ASB1: variants seen among roughly 807,000 people sequenced by gnomAD.
ASB1 encodes the protein ankyrin repeat and SOCS box containing 1, also known as ankyrin repeat and SOCS box protein 1.
Under a neutral mutation model 27.7 loss-of-function variants are expected in ASB1, and 18 were observed. The observed-to-expected ratio is 0.65, with a 90% CI of 0.45 to 0.96. The LOEUF (loss-of-function observed/expected upper bound fraction) is 0.96. ASB1 is among the 50% of genes least tolerant of loss of function. The pLI is 0.00. For missense variants in ASB1, 397 were observed against 451.7 expected (o/e 0.88, Z 1.10); for synonymous variants, 189 against 187.6 (o/e 1.01, Z -0.06).
chr2:238,429,828 C>T (rs1412218361), intron 1 of ASB1, among the ~76,000 whole-genome samples: 1 of 151,542 alleles, frequency 6.6e-6, no homozygotes, highest in East Asian at 1.9e-4. Context: ...GTCCCAGCTA[C>T]TTGGGAGGCT....
intron 1 of ASB1, 44 bp downstream of exon 1, chr2:238,427,163 GC>G: frequency 8.2e-7 from 1 of 1,212,792 alleles, no homozygotes; most frequent in Non-Finnish European, 1.0e-6. Context: ...TGTGGGGATG[GC>G]GAAGGGCTGG....
chr2:238,444,731 A>G lies in ASB1; in HGVS notation c.880+4A>G, dbSNP rs1311132134. 2 of 1,598,614 alleles carry G rather than the reference A, an allele frequency of 1.3e-6. No individual in the cohort carries two copies. Among genetic ancestry groups the G allele is most frequent in the South Asian group, 1.1e-5 (1 of 89,400 alleles). ...CAGGTCTTTAAAGAGGCCAGAAGTA[A>G]GTGGCTTGAGTTCAGCTCTGACTTG... On this transcript the variant is annotated splice_donor_region_variant and intron_variant, in intron 4 of 4. Coordinates refer to ENST00000264607, the MANE Select transcript of ASB1 (RefSeq NM_001040445.3).
intron 1 of ASB1, among the ~76,000 whole-genome samples, chr2:238,433,083 A>G (rs1029593025): frequency 6.6e-6 from 1 of 151,996 alleles, no homozygotes; most frequent in African/African-American, 2.4e-5. Context: ...TTGCATCCGT[A>G]TTCTTCAGGT....
intron 3 of ASB1, among the ~76,000 whole-genome samples, chr2:238,439,898 A>G (rs1702047547): frequency 6.6e-6 from 1 of 152,090 alleles, no homozygotes; most frequent in Non-Finnish European, 1.5e-5. Context: ...CTTTACAACC[A>G]TGTATATGTC....
Position 238,427,090 on chromosome 2 carries a change from C to T in ASB1, c.20C>T (p.Pro7Leu), listed in dbSNP as rs1006318585. MAEGGS[P>L]DGRAGPGSAG... ...GCATCCATGGCGGAGGGCGGCAGCC[C>T]AGACGGGCGGGCAGGGCCGGGCTCC... The change falls in exon 1 of 5, where the codon CCA becomes CTA. Residue 7 changes from proline (P) to leucine (L), a missense_variant. Coordinates refer to ENST00000264607, the MANE Select transcript of ASB1 (RefSeq NM_001040445.3). The T allele has an allele frequency of 1.6e-6, 2 of 1,262,808 alleles. No individual in the cohort carries two copies. Among genetic ancestry groups the T allele is most frequent in the African/African-American group, 3.1e-5 (2 of 64,426 alleles). The allele number at this position is 1,262,808 out of a possible 1,614,324, so 78.2% of individuals were successfully genotyped here. A position where few individuals can be genotyped will look rare whatever the true frequency, so the allele number is the denominator to read the frequency against.
intron 3 of ASB1, among the ~76,000 whole-genome samples, chr2:238,443,415 A>C (rs185511559): frequency 6.6e-6 from 1 of 152,272 alleles, no homozygotes; most frequent in Admixed American, 6.5e-5. Context: ...TTGTTTTCCC[A>C]TATTATTTAG....
intron 4 of ASB1, 128 bp from the exon 5 acceptor site, chr2:238,446,256 C>T: frequency 2.8e-6 from 3 of 1,086,018 alleles, no homozygotes; most frequent in Non-Finnish European, 4.0e-6. Flanking sequence ...TTGTGTTTCA[C>T]TGAGCGTTTT....
Position 238,433,810 on chromosome 2 carries a change from C to T in ASB1, c.191+115C>T. ...CCTTGATGTTGGGAGGAATGTGTTC[C>T]AGTTTTAGAGGACGGGGATAAAGGA... On this transcript the variant is annotated intron_variant, in intron 2 of 4. Transcript: ENST00000264607. 2.4e-6 allele frequency: 3 copies of T among 1,270,862 alleles called. No homozygotes were observed. The East Asian group carries it at 7.2e-5, about 30-fold the overall frequency. 78.7% of individuals were successfully genotyped at this position (1,270,862 alleles called of 1,614,324 possible).
chr2:238,444,846 A>C (rs77448526), intron 4 of ASB1, 119 bp downstream of exon 4: 121,442 of 1,133,404 alleles, frequency 0.11, 7,188 homozygotes, highest in Non-Finnish European at 0.12. Context: ...CTTCAGTTAG[A>C]ACTCGCAGTT....
Position 238,444,649 on chromosome 2 carries a change from T to C in ASB1, c.802T>C (p.Trp268Arg). 6.2e-7 allele frequency: 1 copy of C among 1,613,840 alleles called. No homozygotes were observed. Among genetic ancestry groups the C allele is most frequent in the Non-Finnish European group, 8.5e-7 (1 of 1,179,968 alleles). Reference protein sequence around the residue: ...EFGANLNLVKWESLGPESRGR... With the variant: ...EFGANLNLVKRESLGPESRGR... Reference sequence around the variant, plus strand: ...TGGAGCCAACCTGAATCTAGTGAAGTGGGAATCGCTGGGCCCAGAGTCGAG... The same window carrying C: ...TGGAGCCAACCTGAATCTAGTGAAGCGGGAATCGCTGGGCCCAGAGTCGAG... The change falls in exon 4 of 5, where the codon TGG (tryptophan) becomes CGG (arginine). Residue 268 changes from tryptophan to arginine, a missense_variant. By Grantham distance (101) the Trp-to-Arg change is moderately radical. Coordinates refer to ENST00000264607, the MANE Select transcript of ASB1 (RefSeq NM_001040445.3).
At chr2:238,436,115 G>A in intron 3 of ASB1, 102 bp downstream of exon 3, 2 of 1,188,768 alleles carry the variant, frequency 1.7e-6, no homozygotes, top group Non-Finnish European at 1.1e-6. Context: ...TAGATGACTC[G>A]CCTGTTTTGC....
chr2:238,439,550 G>A (rs749178706), intron 3 of ASB1, among the ~76,000 whole-genome samples: 4 of 152,156 alleles, frequency 2.6e-5, no homozygotes, highest in Non-Finnish European at 5.9e-5. Flanking sequence ...TCCCGTCATC[G>A]CTGCTCCCCA....
At chr2:238,442,792 TAA>T (rs1228608085) in intron 3 of ASB1, among the ~76,000 whole-genome samples, 1 of 152,012 alleles carries the variant, frequency 6.6e-6, no homozygotes, top group African/African-American at 2.4e-5. Flanking sequence ...AAACACTTAG[TAA>T]AACATCTACA....
In ASB1 at chr2:238,449,066, C is replaced by T. The variant is rs1261368070; in HGVS notation, c.*2555C>T. 6.6e-6 allele frequency: 1 copy of T among 152,192 alleles called. No individual in the cohort carries two copies. The highest frequency in any genetic ancestry group is 1.9e-4 in the East Asian group (1 of 5,200). 9.4% of individuals were successfully genotyped at this position (152,192 alleles called of 1,614,324 possible). ...CCTCTCTGTTCAAGCCAGCCTTTGC[C>T]AATTTTTTCAGAATCCAAACAATTT... On this transcript the variant is annotated 3_prime_UTR_variant, in exon 5 of 5. Transcript: ENST00000264607.
intron 1 of ASB1, 197 bp downstream of exon 1, chr2:238,427,316 C>T: frequency 2.6e-6 from 1 of 383,362 alleles, no homozygotes; most frequent in Non-Finnish European, 4.6e-6. Context: ...GGACGCGCTG[C>T]CCTCTCCTCG....
At position 238,441,654 on chromosome 2, in the gene ASB1, C is replaced by A. The variant is rs910372101; in HGVS notation, c.495-2688C>A. Among the ~76,000 whole-genome samples the A allele has an allele frequency of 3.9e-5, 6 of 152,342 alleles. No individual in the cohort carries two copies. In the East Asian group the frequency reaches 9.6e-4, roughly 24 times the overall value. ...TGCTCCGGAGCAGTGTACAGCGACCCCCTCACTCCTTTTCAGAGCTGCACA... is the reference window on the plus strand; with the variant it reads ...TGCTCCGGAGCAGTGTACAGCGACCACCTCACTCCTTTTCAGAGCTGCACA... On this transcript the variant is annotated intron_variant, in intron 3 of 4. Transcript: ENST00000264607.
At chr2:238,432,733 A>G (rs1701894203) in intron 1 of ASB1, among the ~76,000 whole-genome samples, 2 of 151,822 alleles carry the variant, frequency 1.3e-5, no homozygotes, top group Admixed American at 1.3e-4. Flanking sequence ...CAATCTGCTG[A>G]TATTTTCTTT....
chr2:238,428,124 G>A (rs755881371), intron 1 of ASB1, among the ~76,000 whole-genome samples: 16 of 152,216 alleles, frequency 1.1e-4, no homozygotes, highest in Non-Finnish European at 1.8e-4. Context: ...TTTGGTTGGC[G>A]TTGACTTTGA....
Position 238,450,414 on chromosome 2 carries a change from G to A in ASB1, c.*3903G>A, listed in dbSNP as rs1702259925. On this transcript the variant is annotated 3_prime_UTR_variant, in exon 5 of 5. Transcript: ENST00000264607. The stretch of plus-strand genomic sequence containing the variant: ...GGTAAAAGTAGAGGGCAATATTTTT[G>A]CTTTTTGAAATGCTCTTGGTTGCAA... The A allele has an allele frequency of 6.6e-6, 1 of 152,152 alleles. No individual in the cohort carries two copies. Among genetic ancestry groups the A allele is most frequent in the South Asian group, 2.1e-4 (1 of 4,836 alleles). 9.4% of individuals were successfully genotyped at this position (152,152 alleles called of 1,614,324 possible).
Sources: allele counts gnomAD v4.1 joint callset (sites outside exome capture counted in the v4.1 genomes callset), GRCh38; gene constraint gnomAD v4.1.1; transcripts MANE v1.5; gene names NCBI Gene and HGNC (gene_info 2026-07-23, HGNC 2026-07-21).